Variants in PRSS38 observed in about 807,000 individuals in gnomAD.
PRSS38 encodes marapsin 2.
In PRSS38, 22 loss-of-function variants were observed where a neutral mutation model predicts 26.8. The observed-to-expected ratio is 0.82, with a 90% confidence interval of 0.59 to 1.17. The LOEUF (loss-of-function observed/expected upper bound fraction) is 1.17, where lower values mean the gene tolerates loss of function less well. PRSS38 is among the 50% of genes most tolerant of loss of function. The pLI, the probability that PRSS38 is intolerant of heterozygous loss-of-function variation, is 0.00. For synonymous variants in PRSS38, 175 were observed against 172.1 expected (o/e 1.02, Z -0.13); for missense variants, 427 against 422.7 (o/e 1.01, Z -0.09).
intron 3 of PRSS38, among the ~76,000 whole-genome samples, chr1:227,817,989 T>G (rs758001048): frequency 2.2e-4 from 34 of 152,184 alleles, no homozygotes; most frequent in African/African-American, 7.7e-4. Flanking sequence ...ATAGAATTTA[T>G]TTTTAGTAGT....
At position 227,837,587 on chromosome 1, in the gene PRSS38, G is replaced by A. The variant is rs114057933; in HGVS notation, c.584-7883G>A. Reference sequence around the variant, plus strand: ...TGTGCAAGTCTTTTGGGGAATATAGGTACTTGTTTATCTTGGGTCTATGCT... The same window carrying A: ...TGTGCAAGTCTTTTGGGGAATATAGATACTTGTTTATCTTGGGTCTATGCT... On this transcript the variant is annotated intron_variant, in intron 3 of 4. Coordinates refer to ENST00000366757, the Ensembl canonical transcript of PRSS38. Among the ~76,000 whole-genome samples, 813 of 152,294 alleles carry A rather than the reference G, an allele frequency of 5.3e-3. 8 individuals carry two copies. Among genetic ancestry groups the A allele is most frequent in the African/African-American group, 0.019 (786 of 41,554 alleles).
Position 227,816,827 on chromosome 1 carries a change from C to G in PRSS38, c.312-382C>G, listed in dbSNP as rs898842063. Among the ~76,000 whole-genome samples the G allele has an allele frequency of 2.6e-5, 4 of 152,246 alleles. No homozygotes were observed. Among genetic ancestry groups the G allele is most frequent in the African/African-American group, 9.6e-5 (4 of 41,472 alleles). On this transcript the variant is annotated intron_variant, in intron 2 of 4. Coordinates refer to ENST00000366757, the Ensembl canonical transcript of PRSS38. This position sits in a 1 kb window ranked among gnomAD's most constrained non-coding sequence, Gnocchi z 5.1. Reference sequence around the variant, plus strand: ...CTGGTCTCTAAGCACCTGGCCTTCCCGATTGCTCCTCCAACAGCCCCATTC... The same window carrying G: ...CTGGTCTCTAAGCACCTGGCCTTCCGGATTGCTCCTCCAACAGCCCCATTC...
At chr1:227,819,083 T>TTTCTGACTTCTC (rs1461679899) in intron 3 of PRSS38, among the ~76,000 whole-genome samples, 2 of 152,220 alleles carry the variant, frequency 1.3e-5, no homozygotes, top group African/African-American at 4.8e-5. Flanking sequence ...TATTATTACT[T>TTTCTGACTTCTC]TTCTGACTTC....
At position 227,816,650 on chromosome 1, in the gene PRSS38, C is replaced by T. The variant is rs1045168372; in HGVS notation, c.311+398C>T. On this transcript the variant is annotated intron_variant, in intron 2 of 4. Coordinates refer to ENST00000366757, the Ensembl canonical transcript of PRSS38. This position sits in a 1 kb window ranked among gnomAD's most constrained non-coding sequence, Gnocchi z 5.1. The stretch of plus-strand genomic sequence containing the variant: ...CCAGGTCCCCACGAGTGAGGCTGGT[C>T]CTCAAGGGCACAGCCAGATTCCCAC... Among the ~76,000 whole-genome samples the T allele has an allele frequency of 6.6e-6, 1 of 152,008 alleles. No individual in the cohort carries two copies. Among genetic ancestry groups the T allele is most frequent in the Non-Finnish European group, 1.5e-5 (1 of 67,994 alleles).
At chr1:227,819,342 C>T (rs952931202) in intron 3 of PRSS38, among the ~76,000 whole-genome samples, 1 of 152,164 alleles carries the variant, frequency 6.6e-6, no homozygotes, top group African/African-American at 2.4e-5. Flanking sequence ...ACATTTCATA[C>T]TTTTTCTATG....
chr1:227,830,493 G>T (rs1665136553), intron 3 of PRSS38, among the ~76,000 whole-genome samples: 1 of 147,086 alleles, frequency 6.8e-6, no homozygotes, highest in African/African-American at 2.5e-5. Context: ...ATTAGTTTAA[G>T]GTGTCTACTT....
In PRSS38 at chr1:227,817,240, G is replaced by A. The variant is rs373704418; in HGVS notation, c.343G>A (p.Val115Ile). 127 of 1,614,116 alleles carry A rather than the reference G, an allele frequency of 7.9e-5. No individual in the cohort carries two copies. The highest frequency in any genetic ancestry group is 9.7e-5 in the Non-Finnish European group (115 of 1,180,002). Residue 115 changes from valine (V) to isoleucine (I), a missense_variant, in exon 3 of 5, where the codon GTA (valine) becomes ATA (isoleucine). Coordinates refer to ENST00000366757, the Ensembl canonical transcript of PRSS38. Reference sequence around the variant, plus strand: ...GAATATCAAAATCTATGACATGTACGTAGGCCTCGTAAACCTCAGGGTGGC... The same window carrying A: ...GAATATCAAAATCTATGACATGTACATAGGCCTCGTAAACCTCAGGGTGGC...
chr1:227,817,155 G>T, intron 2 of PRSS38, 54 bp from the exon 3 acceptor site: 6 of 1,578,550 alleles, frequency 3.8e-6, no homozygotes, highest in Non-Finnish European at 5.2e-6. Context: ...CCAGGCCTGT[G>T]GGCTGACCAC....
rs1291889016 is a variant in PRSS38 at position 227,816,838 on chromosome 1, C to G, written c.312-371C>G. Among the ~76,000 whole-genome samples the G allele has an allele frequency of 6.6e-6, 1 of 152,250 alleles. No homozygotes were observed. Among genetic ancestry groups the G allele is most frequent in the East Asian group, 1.9e-4 (1 of 5,198 alleles). ...GCACCTGGCCTTCCCGATTGCTCCT[C>G]CAACAGCCCCATTCACCACAGCTGC... On this transcript the variant is annotated intron_variant, in intron 2 of 4. Coordinates refer to ENST00000366757, the Ensembl canonical transcript of PRSS38. This position sits in a 1 kb window ranked among gnomAD's most constrained non-coding sequence, Gnocchi z 5.1.
At chr1:227,823,066 G>A (rs902260550) in intron 3 of PRSS38, among the ~76,000 whole-genome samples, 3 of 152,052 alleles carry the variant, frequency 2.0e-5, no homozygotes, top group Non-Finnish European at 2.9e-5. Context: ...TACCCAATAG[G>A]TAATTTCTCA....
chr1:227,821,300 T>C (rs907480966), intron 3 of PRSS38, among the ~76,000 whole-genome samples: 1 of 152,176 alleles, frequency 6.6e-6, no homozygotes, highest in Non-Finnish European at 1.5e-5. Context: ...GGCATTTAGG[T>C]TGATTCCATG....
At position 227,816,327 on chromosome 1, in the gene PRSS38, C is replaced by T; in HGVS notation, c.311+75C>T. The T allele has an allele frequency of 3.5e-6, 5 of 1,443,964 alleles. No homozygotes were observed. The highest frequency in any genetic ancestry group is 4.7e-6 in the Non-Finnish European group (5 of 1,055,142). 89.4% of individuals were successfully genotyped at this position (1,443,964 alleles called of 1,614,324 possible). ...GTGCCCACAGCGGCTTGGATGGACC[C>T]CACGCAAGCCTCCCCCATCACCATT... is the stretch of plus-strand genomic sequence containing the variant. On this transcript the variant is annotated intron_variant, in intron 2 of 4. Transcript: ENST00000366757. This position sits in a 1 kb window ranked among gnomAD's most constrained non-coding sequence, Gnocchi z 5.1.
rs1194006344 is a variant in PRSS38 at position 227,820,237 on chromosome 1, A to G, written c.583+2757A>G. On this transcript the variant is annotated intron_variant, in intron 3 of 4. Coordinates refer to ENST00000366757, the Ensembl canonical transcript of PRSS38. ...ATTGGGATTTTCTATGTATAGGATC[A>G]TGTCATCTATGAATAGAGATTGTTT... 3.3e-5 allele frequency among the ~76,000 whole-genome samples: 5 copies of G among 151,674 alleles called. No homozygotes were observed. In the East Asian group the frequency reaches 9.6e-4, roughly 29 times the overall value.
intron 3 of PRSS38, among the ~76,000 whole-genome samples, chr1:227,838,875 G>T (rs916851047): frequency 1.3e-5 from 2 of 151,900 alleles, no homozygotes; most frequent in Non-Finnish European, 2.9e-5. Context: ...TTCAGCTAGG[G>T]CCTTACTATG....
At chr1:227,844,764 G>A (rs141739473) in intron 3 of PRSS38, among the ~76,000 whole-genome samples, 1 of 148,784 alleles carries the variant, frequency 6.7e-6, no homozygotes, top group African/African-American at 2.5e-5. Flanking sequence ...TCCTCATTTG[G>A]TGGGGATCCT....
intron 3 of PRSS38, among the ~76,000 whole-genome samples, chr1:227,818,274 A>G (rs979135963): frequency 6.6e-6 from 1 of 152,178 alleles, no homozygotes; most frequent in Non-Finnish European, 1.5e-5. Flanking sequence ...TTTATAGCTG[A>G]TTTACTTAAT....
intron 3 of PRSS38, among the ~76,000 whole-genome samples, chr1:227,836,215 C>T (rs1216275647): frequency 1.3e-5 from 2 of 152,068 alleles, no homozygotes; most frequent in Admixed American, 6.5e-5. Context: ...CCTTCTTCCT[C>T]AGCCTCCTGA....
chr1:227,842,697 C>T (rs1171630578), intron 3 of PRSS38, among the ~76,000 whole-genome samples: 1 of 152,090 alleles, frequency 6.6e-6, no homozygotes, highest in Admixed American at 6.5e-5. Flanking sequence ...TCTCCTGCCT[C>T]AGCCTCCTGA....
At chr1:227,833,261 C>G (rs1211030581) in intron 3 of PRSS38, among the ~76,000 whole-genome samples, 4 of 152,300 alleles carry the variant, frequency 2.6e-5, no homozygotes, top group Admixed American at 2.6e-4. Context: ...AGTGCAGTAG[C>G]TCACACCTGT....
Sources: gnomAD v4.1 joint callset for allele counts (sites outside exome capture counted in the v4.1 genomes callset) on GRCh38, gnomAD v4.1.1 for gene constraint, Gnocchi (gnomAD v3.1) non-coding constraint, MANE v1.5 for transcripts, NCBI Gene and HGNC (gene_info 2026-07-23, HGNC 2026-07-21) for gene names.